ERICH1: variants seen among roughly 807,000 people sequenced by gnomAD.
ERICH1 encodes glutamate-rich protein 1.
In ERICH1, 56 loss-of-function variants were observed where a neutral mutation model predicts 39.6. The observed-to-expected ratio is 1.41, with a 90% CI of 1.14 to 1.77. The LOEUF (loss-of-function observed/expected upper bound fraction) is 1.77, where lower values mean the gene tolerates loss of function less well. Among genes scored for constraint, ERICH1 ranks in the 40% most tolerant of loss-of-function variants. The pLI is 0.00. For synonymous variants in ERICH1, 313 were observed against 223.6 expected, an observed-to-expected ratio of 1.40 and a Z score of -3.57; for missense variants, 826 against 575.4, an observed-to-expected ratio of 1.44 and a Z score of -4.45.
intron 3 of ERICH1, among the ~76,000 whole-genome samples, chr8:620,508 G>A (rs191654496): frequency 2.0e-4 from 30 of 152,254 alleles, no homozygotes; most frequent in Non-Finnish European, 1.8e-4. Context: ...TATAGTATCT[G>A]CAATGTACAC....
intron 3 of ERICH1, among the ~76,000 whole-genome samples, chr8:616,760 G>A (rs1356118843): frequency 1.5e-5 from 1 of 65,356 alleles, no homozygotes; most frequent in Non-Finnish European, 2.6e-5. Flanking sequence ...GACAAAGGGA[G>A]AGGAAGACAG....
intron 3 of ERICH1, among the ~76,000 whole-genome samples, chr8:688,368 C>T (rs1243452346): frequency 3.3e-5 from 4 of 122,140 alleles, no homozygotes; most frequent in Non-Finnish European, 5.3e-5. Context: ...CTCGGCCCCG[C>T]CCCCCGGTCC....
chr8:690,637 C>T (rs1038287850), intron 3 of ERICH1, among the ~76,000 whole-genome samples: 4 of 152,254 alleles, frequency 2.6e-5, no homozygotes, highest in African/African-American at 9.6e-5. Context: ...GCCTGGGCGA[C>T]AAGGCCCTGG....
chr8:620,368 C>G (rs1206275965), intron 3 of ERICH1, among the ~76,000 whole-genome samples: 1 of 151,908 alleles, frequency 6.6e-6, no homozygotes, highest in Non-Finnish European at 1.5e-5. Flanking sequence ...AGATATAAAC[C>G]TAATAATCAA....
At chr8:715,763 A>T (rs1456345237) in intron 2 of ERICH1, 98 bp downstream of exon 2, 3 of 1,494,584 alleles carry the variant, frequency 2.0e-6, no homozygotes, top group Non-Finnish European at 2.7e-6. Context: ...CTGCAGACAG[A>T]TGCCCGAGGC....
chr8:708,531 T>A (rs1813825501), intron 2 of ERICH1, among the ~76,000 whole-genome samples: 1 of 151,994 alleles, frequency 6.6e-6, no homozygotes, highest in Non-Finnish European at 1.5e-5. Flanking sequence ...TTATGCTACA[T>A]GAAAAAACCC....
At chr8:683,272 C>T (rs1585269038) in intron 3 of ERICH1, among the ~76,000 whole-genome samples, 2 of 152,216 alleles carry the variant, frequency 1.3e-5, no homozygotes, top group South Asian at 2.1e-4. Context: ...AATTCATGTT[C>T]GGTTTGGCCT....
chr8:717,099 G>C (rs192135482), intron 1 of ERICH1, among the ~76,000 whole-genome samples: 2 of 152,286 alleles, frequency 1.3e-5, no homozygotes, highest in Admixed American at 6.5e-5. Flanking sequence ...CATGAACAAG[G>C]TGGCTGCTCA....
intron 2 of ERICH1, among the ~76,000 whole-genome samples, chr8:706,586 G>A (rs1211005428): frequency 1.3e-5 from 2 of 151,982 alleles, no homozygotes; most frequent in Non-Finnish European, 2.9e-5. Flanking sequence ...CCAGCCTGAC[G>A]AACATGGAGA....
intron 2 of ERICH1, among the ~76,000 whole-genome samples, chr8:712,393 T>TG (rs370303098): frequency 3.3e-5 from 5 of 152,014 alleles, no homozygotes; most frequent in African/African-American, 7.2e-5. Context: ...TATTTTATTA[T>TG]GGGGGGGTGG....
At chr8:687,813 C>T (rs914366905) in intron 3 of ERICH1, among the ~76,000 whole-genome samples, 1 of 152,234 alleles carries the variant, frequency 6.6e-6, no homozygotes, top group African/African-American at 2.4e-5. Flanking sequence ...ACGGAGGAAT[C>T]GGGGGCGAGG....
intron 2 of ERICH1, among the ~76,000 whole-genome samples, chr8:713,108 T>C (rs1192743652): frequency 6.6e-6 from 1 of 152,226 alleles, no homozygotes; most frequent in African/African-American, 2.4e-5. Context: ...GTCAAGCCTC[T>C]CTACGTATGT....
At chr8:622,403 G>A (rs1254458457) in intron 3 of ERICH1, among the ~76,000 whole-genome samples, 1 of 152,104 alleles carries the variant, frequency 6.6e-6, no homozygotes, top group South Asian at 2.1e-4. Flanking sequence ...TTATAAAAGA[G>A]GCCCCCAAGA....
intron 1 of ERICH1, among the ~76,000 whole-genome samples, chr8:719,803 G>A (rs527948776): frequency 1.6e-4 from 24 of 152,174 alleles, no homozygotes; most frequent in South Asian, 4.1e-4. Flanking sequence ...TGTTTCATTC[G>A]TTCCAAGGAC....
intron 1 of ERICH1, among the ~76,000 whole-genome samples, chr8:729,367 GGA>G (rs1430901143): frequency 2.0e-5 from 3 of 152,108 alleles, no homozygotes; most frequent in Non-Finnish European, 4.4e-5. Context: ...CCCTGCAAGG[GGA>G]CACGCCAAGC....
chr8:706,316 T>C (rs549259403), intron 2 of ERICH1, among the ~76,000 whole-genome samples: 2 of 152,230 alleles, frequency 1.3e-5, no homozygotes, highest in South Asian at 4.2e-4. Context: ...ACAAAATCCC[T>C]TGCATTTTCA....
At chr8:641,188 C>T (rs1393522686) in intron 3 of ERICH1, 1 of 152,122 alleles carries the variant, frequency 6.6e-6, no homozygotes, top group Non-Finnish European at 1.5e-5. Context: ...TGGTGGAAAA[C>T]GATGGGTCAT....
chr8:704,509 C>T (rs889151442), intron 2 of ERICH1, among the ~76,000 whole-genome samples: 4 of 152,186 alleles, frequency 2.6e-5, no homozygotes, highest in Non-Finnish European at 4.4e-5. Flanking sequence ...TCTACTAAAG[C>T]TCTGCTCACT....
chr8:630,710 C>T (rs1470673393), intron 3 of ERICH1, among the ~76,000 whole-genome samples: 54 of 138,740 alleles, frequency 3.9e-4, no homozygotes, highest in African/African-American at 1.4e-3. Flanking sequence ...ACAGAGCTGA[C>T]ACACACCCTC....
Sources: gnomAD v4.1 joint callset for allele counts (sites outside exome capture counted in the v4.1 genomes callset) on GRCh38, gnomAD v4.1.1 for gene constraint, MANE v1.5 for transcripts, NCBI Gene and HGNC (gene_info 2026-07-23, HGNC 2026-07-21) for gene names.